Variants in GRIP1 observed in about 807,000 individuals in gnomAD.
GRIP1 encodes the protein glutamate receptor interacting protein 1, also known as glutamate receptor-interacting protein 1.
A neutral mutation model predicts 129.9 loss-of-function variants in GRIP1; 45 were observed. The ratio of observed to expected loss-of-function variants is 0.35; its 90% CI spans 0.27 to 0.44. The LOEUF is 0.44. Ranked by LOEUF, GRIP1 falls within the 20% of genes least tolerant of loss-of-function variation. The pLI, the probability that GRIP1 is intolerant of heterozygous loss-of-function variation, is 1.00. For synonymous variants in GRIP1, 530 were observed against 520.8 expected, an observed-to-expected ratio of 1.02 and a Z score of -0.24; for missense variants, 1,196 against 1,396.8, an observed-to-expected ratio of 0.86 and a Z score of 2.29.
chr12:66,633,197 G>GTA lies in GRIP1; in HGVS notation c.56-36272_56-36271dup, dbSNP rs975973529. On this transcript the variant is annotated intron_variant, in intron 1 of 24. Transcript: ENST00000359742. ...CCGGCTAATTTTTGTGTGTGTATGT[G>GTA]TATATATATATGTGTGTGTATATAT... Among the ~76,000 whole-genome samples the GTA allele has an allele frequency of 1.0e-3, 150 of 146,532 alleles. No individual in the cohort carries two copies. In the East Asian group the frequency reaches 0.011, roughly 11 times the overall value.
chr12:66,608,184 A>G (rs1363675507), intron 1 of GRIP1, among the ~76,000 whole-genome samples: 1 of 152,222 alleles, frequency 6.6e-6, no homozygotes, highest in East Asian at 1.9e-4. Flanking sequence ...TTAATGCACA[A>G]TTAAAGTAGG....
intron 7 of GRIP1, among the ~76,000 whole-genome samples, chr12:66,476,482 T>C (rs1373065083): frequency 6.6e-6 from 1 of 152,120 alleles, no homozygotes; most frequent in African/African-American, 2.4e-5. Flanking sequence ...TTCTAATCAA[T>C]AGAAAAAGAG....
At chr12:66,758,775 C>T (rs1274714681) in intron 1 of GRIP1, among the ~76,000 whole-genome samples, 1 of 152,126 alleles carries the variant, frequency 6.6e-6, no homozygotes, top group Non-Finnish European at 1.5e-5. Flanking sequence ...GCAGGGCAGT[C>T]AAATTTTAAA....
At chr12:66,916,540 A>C (rs7967225) in intron 1 of GRIP1, among the ~76,000 whole-genome samples, 3,544 of 152,330 alleles carry the variant, frequency 0.023, 148 homozygotes, top group African/African-American at 0.079. Flanking sequence ...ATGTTTAAAA[A>C]AAGAAAACCC....
chr12:66,530,613 A>T (rs908791510), intron 4 of GRIP1, among the ~76,000 whole-genome samples: 3 of 152,166 alleles, frequency 2.0e-5, no homozygotes, highest in Non-Finnish European at 4.4e-5. Flanking sequence ...CTCTAGTCAC[A>T]TTACATACAT....
chr12:66,366,175 C>A (rs2055132380), intron 23 of GRIP1, among the ~76,000 whole-genome samples: 1 of 152,174 alleles, frequency 6.6e-6, no homozygotes, highest in Non-Finnish European at 1.5e-5. Context: ...AAAGTTGAAG[C>A]CTGGCATGAG....
intron 1 of GRIP1, among the ~76,000 whole-genome samples, chr12:67,062,584 G>T (rs185076409): frequency 9.1e-4 from 136 of 149,218 alleles, no homozygotes; most frequent in East Asian, 1.6e-3. Context: ...TGCTCCCTCC[G>T]CATTAATCTG....
At chr12:66,632,694 T>C (rs2030938835) in intron 1 of GRIP1, among the ~76,000 whole-genome samples, 1 of 152,180 alleles carries the variant, frequency 6.6e-6, no homozygotes, top group African/African-American at 2.4e-5. Context: ...TAAACTCTTT[T>C]AAGAATGTAT....
intron 1 of GRIP1, among the ~76,000 whole-genome samples, chr12:66,741,534 T>C (rs1356042341): frequency 6.6e-6 from 1 of 152,232 alleles, no homozygotes; most frequent in Non-Finnish European, 1.5e-5. Flanking sequence ...AAATATTATG[T>C]GTGTCACATA....
upstream of GRIP1, among the ~76,000 whole-genome samples, chr12:66,681,273 T>C (rs1000575865): frequency 6.6e-6 from 1 of 152,192 alleles, no homozygotes; most frequent in African/African-American, 2.4e-5. Flanking sequence ...ATTTCTGGCC[T>C]CGCTAATGCT....
intron 1 of GRIP1, chr12:66,803,971 A>T: frequency 2.7e-6 from 1 of 372,550 alleles, no homozygotes; most frequent in South Asian, 2.0e-5. Flanking sequence ...AACCTTTTGC[A>T]TTTAAGATTA....
rs142242138 is a variant in GRIP1, at chr12:66,600,432, T to C, written c.56-3505A>G. Among the ~76,000 whole-genome samples, 37 of 152,362 alleles carry C rather than the reference T, an allele frequency of 2.4e-4. 1 individual carries two copies. Among genetic ancestry groups the C allele is most frequent in the African/African-American group, 8.9e-4 (37 of 41,590 alleles). ...TAGCACATCGTAGGCATTCACTAAATGTTTGCTGATAAAATATGTGAATTA... is the reference window on the plus strand; with the variant it reads ...TAGCACATCGTAGGCATTCACTAAACGTTTGCTGATAAAATATGTGAATTA... On this transcript the variant is annotated intron_variant, in intron 1 of 24. Transcript: ENST00000359742.
At chr12:66,770,868 G>C (rs2037795894) in intron 1 of GRIP1, among the ~76,000 whole-genome samples, 1 of 152,180 alleles carries the variant, frequency 6.6e-6, no homozygotes, top group Non-Finnish European at 1.5e-5. Context: ...GGCCGAGGCA[G>C]GTGGATCATG....
At chr12:66,630,951 T>C (rs76962991) in intron 1 of GRIP1, among the ~76,000 whole-genome samples, 1 of 152,106 alleles carries the variant, frequency 6.6e-6, no homozygotes, top group Non-Finnish European at 1.5e-5. Context: ...TTTTTTTTTT[T>C]GGAGACAGAA....
chr12:66,387,390 C>A lies in GRIP1; in HGVS notation c.2464+4918G>T, dbSNP rs543654420. Among the ~76,000 whole-genome samples the A allele has an allele frequency of 5.3e-5, 8 of 152,314 alleles. No individual in the cohort carries two copies. In the East Asian group the frequency reaches 1.5e-3, roughly 29 times the overall value. On this transcript the variant is annotated intron_variant, in intron 19 of 24. Coordinates refer to ENST00000359742, the MANE Select transcript of GRIP1 (RefSeq NM_001366722.1). ...TCTCTGGTAGCTGGGGAAGAATTTA[C>A]TCACACATACCATGCTGGAACTGGG...
chr12:66,489,267 C>T (rs912792186), intron 7 of GRIP1, among the ~76,000 whole-genome samples: 1 of 152,116 alleles, frequency 6.6e-6, no homozygotes, highest in African/African-American at 2.4e-5. Context: ...CACCAAAAGG[C>T]TTATCCACCA....
At chr12:66,547,194 C>T (rs2061973432) in intron 2 of GRIP1, among the ~76,000 whole-genome samples, 2 of 152,208 alleles carry the variant, frequency 1.3e-5, no homozygotes, top group African/African-American at 4.8e-5. Context: ...GGAAATGGCT[C>T]AAATTACTTA....
chr12:66,666,800 C>G (rs1036019067), intron 1 of GRIP1, among the ~76,000 whole-genome samples: 8 of 151,806 alleles, frequency 5.3e-5, no homozygotes, highest in African/African-American at 1.9e-4. Flanking sequence ...TCATTGCATA[C>G]CTAAAAATGT....
chr12:66,375,852 A>G (rs1418874386), intron 22 of GRIP1, among the ~76,000 whole-genome samples: 2 of 152,166 alleles, frequency 1.3e-5, no homozygotes, highest in Non-Finnish European at 2.9e-5. Context: ...TTTTCTTCAA[A>G]AGGGAAATAT....
Sources: allele counts gnomAD v4.1 joint callset (sites outside exome capture counted in the v4.1 genomes callset), GRCh38; gene constraint gnomAD v4.1.1; transcripts MANE v1.5; gene names NCBI Gene and HGNC (gene_info 2026-07-23, HGNC 2026-07-21).